NELL1: variants seen among roughly 807,000 people sequenced by gnomAD.
NELL1 encodes neural EGFL like 1, also known as protein kinase C-binding protein NELL1.
Under a neutral mutation model 107.4 loss-of-function variants are expected in NELL1, and 76 were observed. The ratio of observed to expected loss-of-function variants is 0.71; its 90% CI spans 0.59 to 0.86. The LOEUF is 0.86. Among genes scored for constraint, NELL1 ranks in the 40% least tolerant of loss-of-function variants. NELL1 has a pLI of 0.00. For synonymous variants in NELL1, 353 were observed against 341.2 expected (o/e 1.03, Z -0.38); for missense variants, 1,024 against 1,005.5 (o/e 1.02, Z -0.25).
chr11:21,244,449 A>T (rs17233137), intron 14 of NELL1, among the ~76,000 whole-genome samples: 2,139 of 152,270 alleles, frequency 0.014, 23 homozygotes, highest in Non-Finnish European at 0.021. Context: ...ACTTAGTGGG[A>T]TCATACTTGA....
intron 15 of NELL1, among the ~76,000 whole-genome samples, chr11:21,493,543 G>T (rs1590976520): frequency 1.3e-5 from 2 of 150,808 alleles, no homozygotes; most frequent in South Asian, 2.1e-4. Context: ...AAAAAAAATT[G>T]ATCTTCTGGA....
At chr11:21,388,179 G>C (rs1166922798) in intron 15 of NELL1, among the ~76,000 whole-genome samples, 1 of 150,934 alleles carries the variant, frequency 6.6e-6, no homozygotes. Flanking sequence ...GTTTTATATT[G>C]AAAGTGTCAG....
intron 12 of NELL1, among the ~76,000 whole-genome samples, chr11:21,058,720 T>C (rs1853668308): frequency 6.6e-6 from 1 of 152,136 alleles, no homozygotes. Context: ...AACTGACATG[T>C]AGTGATGTAT....
At chr11:20,812,641 G>T (rs1488274131) in intron 3 of NELL1, among the ~76,000 whole-genome samples, 1 of 152,190 alleles carries the variant, frequency 6.6e-6, no homozygotes, top group South Asian at 2.1e-4. Flanking sequence ...TGGCATTTAT[G>T]TTGTTAATTA....
At position 21,450,739 on chromosome 11, in the gene NELL1, A is replaced by C. The variant is rs539674413; in HGVS notation, c.1645+79791A>C. On this transcript the variant is annotated intron_variant, in intron 15 of 19. Transcript: ENST00000357134. ...AAGGAAGGGTGGAACTGCATACAGT[A>C]TGACTCACTTCTACCTCTATTATTG... is the stretch of plus-strand genomic sequence containing the variant. 1.3e-3 allele frequency among the ~76,000 whole-genome samples: 196 copies of C among 152,340 alleles called. No homozygotes were observed. The Middle Eastern group carries it at 0.014, about 11-fold the overall frequency.
intron 1 of NELL1, among the ~76,000 whole-genome samples, chr11:20,671,551 G>A (rs1354322852): frequency 6.6e-6 from 1 of 152,182 alleles, no homozygotes; most frequent in African/African-American, 2.4e-5. Context: ...TTTAAGAACA[G>A]GTATTTTCCC....
chr11:21,521,018 A>G (rs1855712680), intron 15 of NELL1, among the ~76,000 whole-genome samples: 1 of 152,170 alleles, frequency 6.6e-6, no homozygotes, highest in Middle Eastern at 3.2e-3. Context: ...CACATACCCT[A>G]TTCTGGGGGT....
At chr11:21,020,742 A>C (rs1211481406) in intron 12 of NELL1, among the ~76,000 whole-genome samples, 1 of 152,004 alleles carries the variant, frequency 6.6e-6, no homozygotes, top group East Asian at 1.9e-4. Flanking sequence ...GCCTGGATAC[A>C]TAGATTTATG....
At chr11:21,220,688 G>A (rs1857733949) in intron 13 of NELL1, among the ~76,000 whole-genome samples, 1 of 152,010 alleles carries the variant, frequency 6.6e-6, no homozygotes, top group Non-Finnish European at 1.5e-5. Context: ...CTGATGTATA[G>A]AAATGTACCC....
At chr11:21,382,296 G>A (rs1011288718) in intron 15 of NELL1, among the ~76,000 whole-genome samples, 1 of 151,874 alleles carries the variant, frequency 6.6e-6, no homozygotes, top group African/African-American at 2.4e-5. Context: ...ATTTTTACAA[G>A]TGTTGCAAAC....
At chr11:21,133,622 C>T (rs189023004) in intron 13 of NELL1, among the ~76,000 whole-genome samples, 50 of 152,214 alleles carry the variant, frequency 3.3e-4, no homozygotes, top group East Asian at 5.8e-4. Flanking sequence ...CCTGAGCCCT[C>T]GCTCACCTGG....
At chr11:21,125,235 A>G (rs1489416362) in intron 13 of NELL1, among the ~76,000 whole-genome samples, 3 of 152,190 alleles carry the variant, frequency 2.0e-5, no homozygotes, top group African/African-American at 7.2e-5. Context: ...GGGAGCCTGA[A>G]AAGACCCAGT....
At chr11:20,885,067 C>G (rs924524357) in intron 4 of NELL1, among the ~76,000 whole-genome samples, 1 of 152,098 alleles carries the variant, frequency 6.6e-6, no homozygotes, top group East Asian at 1.9e-4. Context: ...AGTTCTTATC[C>G]CAACTCTACT....
At chr11:21,313,685 C>T (rs1252213038) in intron 14 of NELL1, among the ~76,000 whole-genome samples, 1 of 152,120 alleles carries the variant, frequency 6.6e-6, no homozygotes, top group Non-Finnish European at 1.5e-5. Context: ...CTCACAGCAG[C>T]AGCTCTAGGT....
At chr11:20,818,719 T>C (rs1264092599) in intron 3 of NELL1, among the ~76,000 whole-genome samples, 1 of 152,134 alleles carries the variant, frequency 6.6e-6, no homozygotes, top group African/African-American at 2.4e-5. Flanking sequence ...CTTGGGGAGC[T>C]TCCCAAATGG....
intron 5 of NELL1, among the ~76,000 whole-genome samples, chr11:20,900,106 C>G (rs1849839916): frequency 6.6e-6 from 1 of 152,116 alleles, no homozygotes; most frequent in Non-Finnish European, 1.5e-5. Context: ...ATTTGTGCAT[C>G]TTTGATCAGC....
rs527704201 is a variant in NELL1, at chr11:20,739,924, A to G, written c.185-43756A>G. 9.8e-5 allele frequency among the ~76,000 whole-genome samples: 15 copies of G among 152,318 alleles called. No homozygotes were observed. The South Asian group carries it at 3.1e-3, about 32-fold the overall frequency. ...CAATAACCAAGATACTTTACCCTCA[A>G]GCGCCATCGTTATACCAGGAGGAAG... On this transcript the variant is annotated intron_variant, in intron 2 of 19. Coordinates refer to ENST00000357134, the MANE Select transcript of NELL1 (RefSeq NM_006157.5).
chr11:21,088,774 T>C (rs1329640174), intron 12 of NELL1, among the ~76,000 whole-genome samples: 2 of 152,152 alleles, frequency 1.3e-5, no homozygotes, highest in Non-Finnish European at 2.9e-5. Flanking sequence ...TTTGGGAGAT[T>C]TGAAACATAG....
At chr11:20,966,532 C>G (rs1452413110) in intron 12 of NELL1, among the ~76,000 whole-genome samples, 1 of 152,026 alleles carries the variant, frequency 6.6e-6, no homozygotes, top group Non-Finnish European at 1.5e-5. Flanking sequence ...ATAAGAATAC[C>G]TTGGGGTATC....
Sources: allele counts gnomAD v4.1 joint callset (sites outside exome capture counted in the v4.1 genomes callset), GRCh38; gene constraint gnomAD v4.1.1; transcripts MANE v1.5; gene names NCBI Gene and HGNC (gene_info 2026-07-23, HGNC 2026-07-21).